Variants in CAMK2D observed in about 807,000 individuals in gnomAD.
CAMK2D encodes the protein calcium/calmodulin dependent protein kinase II delta.
In CAMK2D, 37 loss-of-function variants were observed where a neutral mutation model predicts 84.0. The ratio of observed to expected loss-of-function variants is 0.44; its 90% CI spans 0.34 to 0.58. The LOEUF is 0.58. Ranked by LOEUF, CAMK2D falls within the 20% of genes least tolerant of loss-of-function variation. CAMK2D has a pLI of 0.02. For missense variants in CAMK2D, 448 were observed against 652.5 expected (o/e 0.69, Z 3.41); for synonymous variants, 202 against 212.5 (o/e 0.95, Z 0.43).
chr4:113,536,404 T>C (rs755683179), intron 7 of CAMK2D, among the ~76,000 whole-genome samples: 9 of 152,128 alleles, frequency 5.9e-5, no homozygotes, highest in Non-Finnish European at 1.3e-4. Context: ...TATGTACATC[T>C]TGGGAGATGT....
At chr4:113,473,633 TA>T (rs1256345785) in intron 16 of CAMK2D, among the ~76,000 whole-genome samples, 9 of 152,020 alleles carry the variant, frequency 5.9e-5, no homozygotes, top group Admixed American at 2.6e-4. Context: ...CTTTCAGGAT[TA>T]AAAAAAATAA....
At chr4:113,756,780 GAATGTTGTATCAAAAAATGAA>G (rs1349698769) in intron 2 of CAMK2D, among the ~76,000 whole-genome samples, 1 of 151,994 alleles carries the variant, frequency 6.6e-6, no homozygotes, top group Non-Finnish European at 1.5e-5. Flanking sequence ...CAATTCTGTG[GAATGTTGTATCAAAAAATGAA>G]AGCATGGTAT....
intron 8 of CAMK2D, among the ~76,000 whole-genome samples, chr4:113,520,023 A>C (rs2098335822): frequency 6.6e-6 from 1 of 152,216 alleles, no homozygotes; most frequent in Non-Finnish European, 1.5e-5. Flanking sequence ...ATACTAGCAA[A>C]GATGTCCATT....
At chr4:113,471,943 A>G (rs2097551241) in intron 16 of CAMK2D, among the ~76,000 whole-genome samples, 1 of 152,134 alleles carries the variant, frequency 6.6e-6, no homozygotes, top group Non-Finnish European at 1.5e-5. Flanking sequence ...AGCCACACCA[A>G]GGGGCTCACC....
At chr4:113,658,367 C>A (rs1028627479) in intron 3 of CAMK2D, among the ~76,000 whole-genome samples, 1 of 152,116 alleles carries the variant, frequency 6.6e-6, no homozygotes, top group East Asian at 1.9e-4. Context: ...GACCTTAGGG[C>A]CCTTATGCAG....
intron 2 of CAMK2D, among the ~76,000 whole-genome samples, chr4:113,758,941 C>T (rs2099634742): frequency 6.6e-6 from 1 of 152,170 alleles, no homozygotes; most frequent in Non-Finnish European, 1.5e-5. Context: ...TGACCTACTT[C>T]CCTCTCAAAA....
intron 13 of CAMK2D, chr4:113,508,188 T>C (rs1265410680): frequency 1.2e-5 from 17 of 1,367,972 alleles, no homozygotes; most frequent in Non-Finnish European, 1.6e-5. Flanking sequence ...CTTTTATTCC[T>C]AAGTGTGAAT....
chr4:113,752,298 T>C (rs1354199266), intron 2 of CAMK2D, among the ~76,000 whole-genome samples: 1 of 151,878 alleles, frequency 6.6e-6, no homozygotes, highest in Non-Finnish European at 1.5e-5. Context: ...TCAATGTAAC[T>C]GAAGGAAAAC....
chr4:113,671,362 T>C (rs1030646555), intron 2 of CAMK2D, among the ~76,000 whole-genome samples: 5 of 152,232 alleles, frequency 3.3e-5, no homozygotes, highest in African/African-American at 4.8e-5. Flanking sequence ...GAGAGGTAAC[T>C]GTGAAGCTAA....
intron 7 of CAMK2D, among the ~76,000 whole-genome samples, chr4:113,536,697 C>G (rs6855658): frequency 6.6e-6 from 1 of 151,998 alleles, no homozygotes. Context: ...AATATTGAAA[C>G]AAAACATAAG....
intron 2 of CAMK2D, among the ~76,000 whole-genome samples, chr4:113,685,388 C>A (rs144065310): frequency 7.9e-5 from 12 of 151,808 alleles, no homozygotes; most frequent in Non-Finnish European, 1.8e-4. Flanking sequence ...TATAGGCGTG[C>A]GCCACAACAC....
At chr4:113,668,976 G>C (rs1157594907) in intron 2 of CAMK2D, among the ~76,000 whole-genome samples, 1 of 151,928 alleles carries the variant, frequency 6.6e-6, no homozygotes, top group Non-Finnish European at 1.5e-5. Flanking sequence ...CTCTTTCACA[G>C]GACTGTAAAG....
intron 2 of CAMK2D, among the ~76,000 whole-genome samples, chr4:113,690,235 C>T (rs1280127600): frequency 6.6e-6 from 1 of 152,178 alleles, no homozygotes; most frequent in African/African-American, 2.4e-5. Context: ...AACCCTACCT[C>T]CATTCCTGAA....
chr4:113,511,930 A>ATAAT (rs1175921242), intron 12 of CAMK2D, among the ~76,000 whole-genome samples: 2 of 152,218 alleles, frequency 1.3e-5, no homozygotes, highest in African/African-American at 4.8e-5. Flanking sequence ...GCAGTTGTAA[A>ATAAT]TAATAACTAG....
At chr4:113,701,718 GT>G (rs772265964) in intron 2 of CAMK2D, among the ~76,000 whole-genome samples, 176 of 150,946 alleles carry the variant, frequency 1.2e-3, no homozygotes, top group African/African-American at 3.7e-3. Flanking sequence ...TTGTTGTTTT[GT>G]TTTTTTTTGA....
At chr4:113,477,388 G>A (rs1270829030) in intron 16 of CAMK2D, among the ~76,000 whole-genome samples, 1 of 152,250 alleles carries the variant, frequency 6.6e-6, no homozygotes. Context: ...AATCAGTTTA[G>A]CTCTGGGATA....
At chr4:113,540,708 C>T (rs1010696919) in intron 6 of CAMK2D, among the ~76,000 whole-genome samples, 2 of 152,196 alleles carry the variant, frequency 1.3e-5, no homozygotes, top group Non-Finnish European at 2.9e-5. Flanking sequence ...GTGGTGACAA[C>T]ATACACATTA....
At chr4:113,740,104 C>G (rs1212822820) in intron 2 of CAMK2D, among the ~76,000 whole-genome samples, 1 of 151,996 alleles carries the variant, frequency 6.6e-6, no homozygotes, top group Admixed American at 6.6e-5. Context: ...AAAATGTTTC[C>G]TTTGTATTTC....
At chr4:113,736,145 A>AC (rs397995034) in intron 2 of CAMK2D, among the ~76,000 whole-genome samples, 2 of 150,858 alleles carry the variant, frequency 1.3e-5, no homozygotes, top group Non-Finnish European at 3.0e-5. Flanking sequence ...AAAAAAAAAA[A>AC]CAACACCCAG....
Sources: allele counts gnomAD v4.1 joint callset (sites outside exome capture counted in the v4.1 genomes callset), GRCh38; gene constraint gnomAD v4.1.1; transcripts MANE v1.5; gene names NCBI Gene and HGNC (gene_info 2026-07-23, HGNC 2026-07-21).